PIEZO2: variants seen among roughly 807,000 people sequenced by gnomAD.
The protein encoded by PIEZO2 is piezo type mechanosensitive ion channel component 2, also known as piezo-type mechanosensitive ion channel component 2.
A neutral mutation model predicts 337.3 loss-of-function variants in PIEZO2; 172 were observed. The observed-to-expected ratio is 0.51, with a 90% confidence interval of 0.45 to 0.58. PIEZO2 has a LOEUF of 0.58. Ranked by LOEUF, PIEZO2 falls within the 20% of genes least tolerant of loss-of-function variation. The probability of loss-of-function intolerance (pLI) is 0.00; values close to 1 mark genes in which losing one functional copy is unlikely to be tolerated. For synonymous variants in PIEZO2, 1,251 were observed against 1,228.5 expected, an observed-to-expected ratio of 1.02 and a Z score of -0.38; for missense variants, 3,028 against 3,391.3, an observed-to-expected ratio of 0.89 and a Z score of 2.66.
At chr18:11,030,611 A>G (rs550453092) in intron 2 of PIEZO2, among the ~76,000 whole-genome samples, 2 of 152,148 alleles carry the variant, frequency 1.3e-5, no homozygotes, top group African/African-American at 4.8e-5. Context: ...AAACAATGTC[A>G]GCTTGGCTCG....
In PIEZO2 at chr18:10,833,532, G is replaced by A. The variant is rs1489081389; in HGVS notation, c.917+21821C>T. ...TTTCTGTTGGAGTTCAGAATAACCC[G>A]TCTGTGCCCCCAGTTACTACAAGGA... On this transcript the variant is annotated intron_variant, in intron 7 of 55. Coordinates refer to ENST00000674853, the MANE Select transcript of PIEZO2 (RefSeq NM_001378183.1). The surrounding 1 kb of genome is among the most constrained non-coding windows in gnomAD (Gnocchi z 4.7). Among the ~76,000 whole-genome samples the A allele has an allele frequency of 2.0e-5, 3 of 152,212 alleles. No individual in the cohort carries two copies. The highest frequency in any genetic ancestry group is 1.9e-4 in the East Asian group (1 of 5,166).
intron 2 of PIEZO2, among the ~76,000 whole-genome samples, chr18:11,029,516 T>C (rs2036654737): frequency 6.6e-6 from 1 of 152,206 alleles, no homozygotes; most frequent in Admixed American, 6.5e-5. Context: ...CAGATGGATC[T>C]TTCAAACAAG....
chr18:10,776,257 C>T (rs924032338), intron 18 of PIEZO2, among the ~76,000 whole-genome samples: 2 of 151,960 alleles, frequency 1.3e-5, no homozygotes, highest in African/African-American at 4.8e-5. Flanking sequence ...TTTTAAGTCT[C>T]GGTTAGCTGA....
At chr18:10,692,630 C>A (rs754754586) in intron 47 of PIEZO2, among the ~76,000 whole-genome samples, 1 of 152,104 alleles carries the variant, frequency 6.6e-6, no homozygotes, top group East Asian at 1.9e-4. Context: ...ACTGTTCTGT[C>A]TTCACTGGAT....
Position 10,760,990 on chromosome 18 carries a change from G to T in PIEZO2, c.3371C>A (p.Thr1124Lys). Residue 1124 changes from threonine to lysine, a missense_variant, in exon 24 of 56, where the codon ACA becomes AAA. Around this residue, in one of 5 missense-constraint regions of PIEZO2, gnomAD observed 1,925 missense variants for 2,051.9 expected, o/e 0.94. Coordinates refer to ENST00000674853, the MANE Select transcript of PIEZO2 (RefSeq NM_001378183.1). Reference protein sequence around the residue: ...PVSRTIFHDITRLHLDDGLIN... With the variant: ...PVSRTIFHDIKRLHLDDGLIN... ...AAGTCCATCATCTAGATGTAGTCTT[G>T]TAATGTCATGAAAGATAGTTCTAGA... The T allele has an allele frequency of 1.3e-6, 2 of 1,533,504 alleles. No homozygotes were observed. The highest frequency in any genetic ancestry group is 1.7e-6 in the Non-Finnish European group (2 of 1,143,526). The allele number at this position is 1,533,504 out of a possible 1,614,324, so 95.0% of individuals were successfully genotyped here. A position where few individuals can be genotyped will look rare whatever the true frequency, so the allele number is the denominator to read the frequency against.
In PIEZO2 at chr18:10,942,798, C is replaced by T. The variant is rs909435978; in HGVS notation, c.287-31570G>A. On this transcript the variant is annotated intron_variant, in intron 3 of 55. Transcript: ENST00000674853. This position sits in a 1 kb window ranked among gnomAD's most constrained non-coding sequence, Gnocchi z 4.4. ...TCAGAGTTCTTCATGGCAGCCCCTC[C>T]CATCACAAGCCTGAAGGCCTAGGTA... Among the ~76,000 whole-genome samples the T allele has an allele frequency of 6.6e-5, 10 of 152,186 alleles. No individual in the cohort carries two copies. Among genetic ancestry groups the T allele is most frequent in the African/African-American group, 2.4e-4 (10 of 41,438 alleles).
chr18:11,090,391 C>T (rs1206703397), intron 1 of PIEZO2, among the ~76,000 whole-genome samples: 1 of 152,166 alleles, frequency 6.6e-6, no homozygotes, highest in African/African-American at 2.4e-5. Context: ...TGGCTTTAAG[C>T]TCCGAAATAG....
chr18:10,687,213 A>T (rs2034583063), intron 49 of PIEZO2, among the ~76,000 whole-genome samples: 1 of 152,076 alleles, frequency 6.6e-6, no homozygotes, highest in African/African-American at 2.4e-5. Context: ...GGTTTGTTGC[A>T]CAGATCATCC....
Position 10,903,405 on chromosome 18 carries a change from C to T in PIEZO2, c.329+7781G>A, listed in dbSNP as rs533470497. ...ATTCAAGGCCAGGCACGGTGGCTCA[C>T]GCCTGTAATCCCAGCACTTTGAGAG... On this transcript the variant is annotated intron_variant, in intron 4 of 55. Transcript: ENST00000674853. This position sits in a 1 kb window ranked among gnomAD's most constrained non-coding sequence, Gnocchi z 4.1. Among the ~76,000 whole-genome samples the T allele has an allele frequency of 5.9e-5, 9 of 152,276 alleles. No homozygotes were observed. The East Asian group carries it at 1.5e-3, about 26-fold the overall frequency.
rs1467106302 is a variant in PIEZO2, at chr18:10,716,663, ACATCCT to A, written c.5090-853_5090-848del. Among the ~76,000 whole-genome samples the A allele has an allele frequency of 2.0e-5, 3 of 152,064 alleles. No homozygotes were observed. The highest frequency in any genetic ancestry group is 7.2e-5 in the African/African-American group (3 of 41,398). On this transcript the variant is annotated intron_variant, in intron 37 of 55. Transcript: ENST00000674853. The surrounding 1 kb of genome is among the most constrained non-coding windows in gnomAD (Gnocchi z 4.1). ...TATGTTTCCCTCTCCGCCCCTCCTC[ACATCCT>A]TTATAAAATCTCAAGCAAGGTATGT...
chr18:10,981,158 A>C (rs970471865), intron 2 of PIEZO2, among the ~76,000 whole-genome samples: 2 of 152,082 alleles, frequency 1.3e-5, no homozygotes, highest in Non-Finnish European at 2.9e-5. Context: ...ATATGTGTAT[A>C]TATTATATAT....
Position 11,070,676 on chromosome 18 carries a change from G to A in PIEZO2, c.65-4454C>T, listed in dbSNP as rs1316148171. ...TGTCCTTGCAGGCCCTCGCAGAAGG[G>A]CTTCAGCCCAGAAGGAAGGAAGGAA... is the stretch of plus-strand genomic sequence containing the variant. On this transcript the variant is annotated intron_variant, in intron 1 of 55. Coordinates refer to ENST00000674853, the MANE Select transcript of PIEZO2 (RefSeq NM_001378183.1). The surrounding 1 kb of genome is among the most constrained non-coding windows in gnomAD (Gnocchi z 4.3). 5.3e-5 allele frequency among the ~76,000 whole-genome samples: 8 copies of A among 152,356 alleles called. No homozygotes were observed. The East Asian group carries it at 1.5e-3, about 29-fold the overall frequency.
chr18:10,907,566 T>C (rs1213714711), intron 4 of PIEZO2, among the ~76,000 whole-genome samples: 1 of 152,170 alleles, frequency 6.6e-6, no homozygotes, highest in Non-Finnish European at 1.5e-5. Flanking sequence ...TCTATTCTCC[T>C]CATCAGATTT....
chr18:11,095,880 C>T (rs1384896838), intron 1 of PIEZO2, among the ~76,000 whole-genome samples: 1 of 152,122 alleles, frequency 6.6e-6, no homozygotes, highest in Admixed American at 6.5e-5. Flanking sequence ...AAATAATACT[C>T]TGGCCCAGCT....
At chr18:10,869,964 C>T (rs1003234010) in intron 5 of PIEZO2, among the ~76,000 whole-genome samples, 4 of 151,144 alleles carry the variant, frequency 2.6e-5, no homozygotes, top group Non-Finnish European at 5.9e-5. Flanking sequence ...CAACCTCTAC[C>T]TCCTGAGTTC....
At chr18:10,769,334 G>A (rs539907002) in intron 21 of PIEZO2, among the ~76,000 whole-genome samples, 2 of 152,292 alleles carry the variant, frequency 1.3e-5, no homozygotes, top group African/African-American at 4.8e-5. Flanking sequence ...CATTTCATAT[G>A]GTTTGTATGA....
rs1180564889 is a variant in PIEZO2 at position 11,127,951 on chromosome 18, G to T, written c.64+20574C>A. Among the ~76,000 whole-genome samples, 1 of 151,744 alleles carries T rather than the reference G, an allele frequency of 6.6e-6. No homozygotes were observed. The highest frequency in any genetic ancestry group is 1.5e-5 in the Non-Finnish European group (1 of 67,990). The stretch of plus-strand genomic sequence containing the variant: ...GGTTTTGGGGTTTCTGGAGTTGGCT[G>T]CTTAGTATGATTAGACCTGAAAATG... On this transcript the variant is annotated intron_variant, in intron 1 of 55. Transcript: ENST00000674853. This position sits in a 1 kb window ranked among gnomAD's most constrained non-coding sequence, Gnocchi z 4.5.
intron 33 of PIEZO2, 140 bp from the exon 34 acceptor site, chr18:10,736,850 A>G: frequency 1.0e-6 from 1 of 974,644 alleles, no homozygotes; most frequent in Non-Finnish European, 1.5e-6. Context: ...AGGAAAACAC[A>G]CAAGATGAAG....
intron 1 of PIEZO2, among the ~76,000 whole-genome samples, chr18:11,139,643 AC>A (rs2040584902): frequency 6.6e-6 from 1 of 152,168 alleles, no homozygotes; most frequent in Non-Finnish European, 1.5e-5. Flanking sequence ...TTATCTTTCC[AC>A]AGATATTTAC....
Sources: allele counts gnomAD v4.1 joint callset (sites outside exome capture counted in the v4.1 genomes callset), GRCh38; gene constraint gnomAD v4.1.1; regional missense constraint gnomAD v4.1.1; non-coding constraint Gnocchi (gnomAD v3.1); transcripts MANE v1.5; gene names NCBI Gene and HGNC (gene_info 2026-07-23, HGNC 2026-07-21).